MKRN1: variants seen among roughly 807,000 people sequenced by gnomAD.
The protein encoded by MKRN1 is E3 ubiquitin-protein ligase makorin-1.
In MKRN1, 9 loss-of-function variants were observed where a neutral mutation model predicts 55.5. The ratio of observed to expected loss-of-function variants is 0.16; its 90% CI spans 0.10 to 0.28. MKRN1 has a LOEUF of 0.28. Among genes scored for constraint, MKRN1 ranks in the 10% least tolerant of loss-of-function variants. The pLI is 1.00. For missense variants in MKRN1, 488 were observed against 626.7 expected, an observed-to-expected ratio of 0.78 and a Z score of 2.36; for synonymous variants, 253 against 235.9, an observed-to-expected ratio of 1.07 and a Z score of -0.66.
At chr7:140,463,905 G>T (rs1026478099) in intron 2 of MKRN1, among the ~76,000 whole-genome samples, 2 of 151,268 alleles carry the variant, frequency 1.3e-5, no homozygotes, top group Non-Finnish European at 3.0e-5. Context: ...AAAATAAAAA[G>T]AAATCCAGCC....
chr7:140,464,009 C>G (rs924461627), intron 2 of MKRN1, among the ~76,000 whole-genome samples: 2 of 152,144 alleles, frequency 1.3e-5, no homozygotes, highest in Non-Finnish European at 2.9e-5. Flanking sequence ...TCTCAGCTCA[C>G]CGGCTTCAAG....
Position 140,470,050 on chromosome 7 carries a change from A to AT in MKRN1, c.314+1832_314+1833insA, listed in dbSNP as rs1160415777. On this transcript the variant is annotated intron_variant, in intron 2 of 7. Coordinates refer to ENST00000255977, the MANE Select transcript of MKRN1 (RefSeq NM_013446.4). ...CGACAGAGCTAGGCTCTGTCTCAAA[A>AT]AAAAAAAAAAAAAAAAAAAAATTAG... Among the ~76,000 whole-genome samples the AT allele has an allele frequency of 4.3e-4, 54 of 125,880 alleles. No homozygotes were observed. In the Middle Eastern group the frequency reaches 0.015, roughly 34 times the overall value. The allele number at this position is 125,880 out of a possible 152,430, so 82.6% of individuals were successfully genotyped here. A position where few individuals can be genotyped will look rare whatever the true frequency, so the allele number is the denominator to read the frequency against.
chr7:140,462,080 T>G (rs1794636704), intron 2 of MKRN1, among the ~76,000 whole-genome samples: 1 of 152,206 alleles, frequency 6.6e-6, no homozygotes, highest in Non-Finnish European at 1.5e-5. Flanking sequence ...TAGGCTGGAG[T>G]GCAGTAGCGT....
intron 5 of MKRN1, chr7:140,456,378 C>G: frequency 7.7e-7 from 1 of 1,299,864 alleles, no homozygotes; most frequent in Non-Finnish European, 9.8e-7. Flanking sequence ...TTCACTGAGC[C>G]TAAACTGGCT....
At chr7:140,460,310 CTTTTT>C (rs57140647) in intron 2 of MKRN1, 11 of 112,534 alleles carry the variant, frequency 9.8e-5, no homozygotes, top group Admixed American at 1.9e-4. Flanking sequence ...TTTTTCTTTT[CTTTTT>C]TTTTTTTTTT....
chr7:140,473,401 C>A, intron 1 of MKRN1: 1 of 339,002 alleles, frequency 2.9e-6, no homozygotes, highest in Non-Finnish European at 5.7e-6. Flanking sequence ...CTAATAGTGG[C>A]CCCCAACATA....
rs1196945405 is a variant in MKRN1 at position 140,479,484 on chromosome 7, C to T, written c.-140G>A. The stretch of plus-strand genomic sequence containing the variant: ...ACCCGTTCGGTCCCCGCCTGCTACG[C>T]GTCGCGTATCTGAGCGCTCTCGCCA... On this transcript the variant is annotated 5_prime_UTR_variant, in exon 1 of 8. Coordinates refer to ENST00000255977, the MANE Select transcript of MKRN1 (RefSeq NM_013446.4). 4 of 896,652 alleles carry T rather than the reference C, an allele frequency of 4.5e-6. No homozygotes were observed. Among genetic ancestry groups the T allele is most frequent in the Admixed American group, 8.6e-5 (2 of 23,246 alleles). 55.5% of individuals were successfully genotyped at this position (896,652 alleles called of 1,614,324 possible).
Position 140,473,572 on chromosome 7 carries a change from T to C in MKRN1, c.186-1561A>G, listed in dbSNP as rs73735279. On this transcript the variant is annotated intron_variant, in intron 1 of 7. Transcript: ENST00000255977. ...TCATCTGCAGTGACACTTCTTACTT[T>C]GATATTTAACTTTTAATGAGTGAGT... is the stretch of plus-strand genomic sequence containing the variant. Among the ~76,000 whole-genome samples, 1,392 of 152,316 alleles carry C rather than the reference T, an allele frequency of 9.1e-3. 19 individuals are homozygous for C. The highest frequency in any genetic ancestry group is 0.031 in the African/African-American group (1,268 of 41,564).
At chr7:140,458,973 A>T in intron 4 of MKRN1, 34 bp downstream of exon 4, 1 of 1,599,918 alleles carries the variant, frequency 6.3e-7, no homozygotes, top group Non-Finnish European at 8.6e-7. Flanking sequence ...TGATTCTCAC[A>T]TCTAATAACA....
intron 1 of MKRN1, 93 bp downstream of exon 1, chr7:140,479,067 A>G: frequency 1.6e-6 from 2 of 1,230,678 alleles, no homozygotes; most frequent in Non-Finnish European, 2.0e-6. Context: ...CCGCGCCTCT[A>G]GCCGCAGGCC....
At chr7:140,472,221 G>A (rs1324524110) in intron 1 of MKRN1, 1 of 577,518 alleles carries the variant, frequency 1.7e-6, no homozygotes, top group African/African-American at 1.9e-5. Context: ...AGGGGTCTAA[G>A]ACCAGCGGTT....
rs374275333 is a variant in MKRN1, at chr7:140,455,904, G to A, written c.987-4C>T. On this transcript the variant is annotated splice_region_variant and splice_polypyrimidine_tract_variant and intron_variant, in intron 5 of 7. Coordinates refer to ENST00000255977, the MANE Select transcript of MKRN1 (RefSeq NM_013446.4). ...GATCCGGCATTCTGGGCAGGACCTG[G>A]GAAACAATGAACAGGCTGCAATGCA... 373 of 1,608,304 alleles carry A rather than the reference G, an allele frequency of 2.3e-4. No individual in the cohort carries two copies. The highest frequency in any genetic ancestry group is 3.1e-4 in the Non-Finnish European group (360 of 1,174,866).
In MKRN1 at chr7:140,454,139, A is replaced by G. The variant is rs1563084568; in HGVS notation, c.*378T>C. The G allele has an allele frequency of 6.7e-6, 2 of 297,548 alleles. No individual in the cohort carries two copies. Among genetic ancestry groups the G allele is most frequent in the East Asian group, 8.1e-5 (1 of 12,300 alleles). The allele number at this position is 297,548 out of a possible 1,614,324, so 18.4% of individuals were successfully genotyped here. A position where few individuals can be genotyped will look rare whatever the true frequency, so the allele number is the denominator to read the frequency against. Reference sequence around the variant, plus strand: ...TTAGGTCCCTTCACCCATCACTCCTATTCTTGGACCCCAAAGCAGGGCCAC... The same window carrying G: ...TTAGGTCCCTTCACCCATCACTCCTGTTCTTGGACCCCAAAGCAGGGCCAC... On this transcript the variant is annotated 3_prime_UTR_variant, in exon 8 of 8. Coordinates refer to ENST00000255977, the MANE Select transcript of MKRN1 (RefSeq NM_013446.4).
At chr7:140,477,271 A>G (rs1391514793) in intron 1 of MKRN1, among the ~76,000 whole-genome samples, 1 of 152,106 alleles carries the variant, frequency 6.6e-6, no homozygotes, top group African/African-American at 2.4e-5. Context: ...AGCAAAAGCT[A>G]TACAAAAAAC....
chr7:140,479,059 G>T, intron 1 of MKRN1, 101 bp downstream of exon 1: 1 of 1,214,618 alleles, frequency 8.2e-7, no homozygotes, highest in Non-Finnish European at 1.0e-6. Flanking sequence ...CCGCCCTCCC[G>T]CGCCTCTAGC....
intron 2 of MKRN1, among the ~76,000 whole-genome samples, chr7:140,470,144 G>A (rs966633822): frequency 6.0e-5 from 9 of 149,712 alleles, no homozygotes; most frequent in African/African-American, 2.2e-4. Context: ...TCTCTCGAAC[G>A]CGGGAGGCAG....
Position 140,454,464 on chromosome 7 carries a change from G to T in MKRN1, c.*53C>A, listed in dbSNP as rs1794409996. ...CACAGGCACTGCCACACCACCACAG[G>T]GGACAGCTGCTGTCTGAGGTCAGCA... is the stretch of plus-strand genomic sequence containing the variant. On this transcript the variant is annotated 3_prime_UTR_variant, in exon 8 of 8. Coordinates refer to ENST00000255977, the MANE Select transcript of MKRN1 (RefSeq NM_013446.4). 5.9e-6 allele frequency: 9 copies of T among 1,535,316 alleles called. No homozygotes were observed. The highest frequency in any genetic ancestry group is 7.1e-6 in the Non-Finnish European group (8 of 1,121,366).
In MKRN1 at chr7:140,456,672, T is replaced by C; in HGVS notation, c.966A>G (p.Gln322=). ...CTCACTTTATGATCTTGCTCTCAAA[T>C]TGCTTAGCACTCCTCCACTTGCGAA... is the stretch of plus-strand genomic sequence containing the variant. ...KCIRKWRSAK[Q]FESKIIKSCP... The change falls in exon 5 of 8, where the codon CAA becomes CAG. Residue 322 remains glutamine, a synonymous_variant. Transcript: ENST00000255977. 2 of 1,614,132 alleles carry C rather than the reference T, an allele frequency of 1.2e-6. No homozygotes were observed. Among genetic ancestry groups the C allele is most frequent in the Non-Finnish European group, 1.7e-6 (2 of 1,180,012 alleles).
At chr7:140,466,659 CCGGGCGCGGTGG>C (rs1391529998) in intron 2 of MKRN1, among the ~76,000 whole-genome samples, 1 of 151,818 alleles carries the variant, frequency 6.6e-6, no homozygotes, top group Non-Finnish European at 1.5e-5. Context: ...AAAAAATTAG[CCGGGCGCGGTGG>C]CGGGCGCCTG....
Sources: gnomAD v4.1 joint callset for allele counts (sites outside exome capture counted in the v4.1 genomes callset) on GRCh38, gnomAD v4.1.1 for gene constraint, MANE v1.5 for transcripts, NCBI Gene and HGNC (gene_info 2026-07-23, HGNC 2026-07-21) for gene names.